The following ARHGEF9 variants were observed in gnomAD, a reference collection of about 807,000 sequenced individuals.
ARHGEF9 encodes rho guanine nucleotide exchange factor 9.
A neutral mutation model predicts 41.3 loss-of-function variants in ARHGEF9; 2 were observed. The observed-to-expected ratio is 0.05, with a 90% CI of 0.02 to 0.15. The LOEUF (loss-of-function observed/expected upper bound fraction) is 0.15. Ranked by LOEUF, ARHGEF9 falls within the 10% of genes least tolerant of loss-of-function variation. The pLI, the probability that ARHGEF9 is intolerant of heterozygous loss-of-function variation, is 1.00. For missense variants in ARHGEF9, 225 were observed against 424.7 expected (o/e 0.53, Z 4.13); for synonymous variants, 160 against 154.4 (o/e 1.04, Z -0.27).
intron 8 of ARHGEF9, among the ~76,000 whole-genome samples, chrX:63,650,330 T>C (rs2147190920): frequency 9.0e-6 from 1 of 111,580 alleles, no homozygotes; most frequent in South Asian, 3.7e-4. Flanking sequence ...ATATACACGA[T>C]GTTATATTAT....
chrX:63,737,444 CA>C (rs1244763748), intron 1 of ARHGEF9, among the ~76,000 whole-genome samples: 12 of 110,540 alleles, frequency 1.1e-4, no homozygotes, highest in Non-Finnish European at 1.5e-4. Flanking sequence ...GGTGGCCCCC[CA>C]AAAAAAATGA....
chrX:63,656,561 C>A (rs1264952281), intron 7 of ARHGEF9: 2 of 111,446 alleles, frequency 1.8e-5, no homozygotes, highest in Non-Finnish European at 1.9e-5. Flanking sequence ...CCCAAAGTTA[C>A]AACTCCAAGG....
At chrX:63,777,879 G>T (rs1233244327) in intron 1 of ARHGEF9, among the ~76,000 whole-genome samples, 1 of 112,805 alleles carries the variant, frequency 8.9e-6, no homozygotes, top group African/African-American at 3.2e-5. Context: ...GCTTTGCAGG[G>T]TACAGTCCCC....
chrX:63,751,162 G>A (rs1160355297), intron 1 of ARHGEF9, among the ~76,000 whole-genome samples: 2 of 111,342 alleles, frequency 1.8e-5, no homozygotes, highest in Admixed American at 1.9e-4. Context: ...CAGAGAGGAG[G>A]GAAGGGAATG....
chrX:63,744,096 C>A (rs2147738666), intron 1 of ARHGEF9, among the ~76,000 whole-genome samples: 1 of 112,049 alleles, frequency 8.9e-6, no homozygotes, highest in Admixed American at 9.4e-5. Context: ...CAACTGACTT[C>A]ACATTTGCAC....
chrX:63,648,588 T>C (rs1346165957), intron 8 of ARHGEF9, among the ~76,000 whole-genome samples: 1 of 111,382 alleles, frequency 9.0e-6, no homozygotes, highest in African/African-American at 3.3e-5. Context: ...AGGATCAGAT[T>C]CACACATAAC....
rs1413001108 is a variant in ARHGEF9, at chrX:63,785,122, C to T, written c.24G>A (p.Ser8=). Residue 8 remains serine, a synonymous_variant, in exon 1 of 10, where the codon TCG becomes TCA. Transcript: ENST00000671741. ...CAAGGTTACATGCACTCACCATTCC[C>T]GATCCGCCCCTTATCCACTGCATGG... MQWIRGG[S]GMLITGDSIV... The T allele has an allele frequency of 2.3e-5, 27 of 1,163,477 alleles. No individual in the cohort carries two copies. The Admixed American group carries it at 3.9e-4, about 17-fold the overall frequency.
intron 1 of ARHGEF9, among the ~76,000 whole-genome samples, chrX:63,780,852 G>T (rs1449199405): frequency 9.0e-6 from 1 of 111,730 alleles, no homozygotes; most frequent in African/African-American, 3.3e-5. Flanking sequence ...AGTTTGTAAA[G>T]GTTCAAAATC....
chrX:63,696,894 C>T (rs191101828), intron 4 of ARHGEF9, among the ~76,000 whole-genome samples: 86 of 111,501 alleles, frequency 7.7e-4, no homozygotes, highest in African/African-American at 1.0e-3. Flanking sequence ...AATATACATT[C>T]GGGAATGGAA....
At chrX:63,702,095 C>A (rs782389235) in intron 3 of ARHGEF9, among the ~76,000 whole-genome samples, 8 of 112,238 alleles carry the variant, frequency 7.1e-5, no homozygotes, top group Non-Finnish European at 1.5e-4. Context: ...CTACAGCATG[C>A]CTAAGGAAGA....
intron 1 of ARHGEF9, among the ~76,000 whole-genome samples, chrX:63,768,586 A>G (rs1352279574): frequency 8.9e-6 from 1 of 112,181 alleles, no homozygotes. Context: ...GTACTAATGT[A>G]TACAATATTG....
intron 7 of ARHGEF9, among the ~76,000 whole-genome samples, chrX:63,660,675 T>TA (rs1377730611): frequency 8.9e-6 from 1 of 111,847 alleles, no homozygotes; most frequent in African/African-American, 3.3e-5. Context: ...TGCCTCTAAA[T>TA]AAAAAAGTAC....
At chrX:63,750,683 GA>G (rs1198351949) in intron 1 of ARHGEF9, among the ~76,000 whole-genome samples, 7 of 110,878 alleles carry the variant, frequency 6.3e-5, no homozygotes, top group African/African-American at 2.0e-4. Flanking sequence ...AAGTTAGGGT[GA>G]AAAAAATTGT....
At chrX:63,746,293 G>A (rs1184548872) in intron 1 of ARHGEF9, among the ~76,000 whole-genome samples, 1 of 112,188 alleles carries the variant, frequency 8.9e-6, no homozygotes, top group Non-Finnish European at 1.9e-5. Context: ...AGAGTGATAA[G>A]GGCAAGAGAA....
chrX:63,643,116 CTTTG>C (rs1437555921), intron 9 of ARHGEF9, among the ~76,000 whole-genome samples: 4 of 111,833 alleles, frequency 3.6e-5, no homozygotes, highest in African/African-American at 9.7e-5. Flanking sequence ...AGTTCCTTCC[CTTTG>C]TTTGGCTGAG....
intron 3 of ARHGEF9, among the ~76,000 whole-genome samples, chrX:63,699,992 G>A: frequency 9.0e-6 from 1 of 111,642 alleles, no homozygotes. Flanking sequence ...TTCCTCTAAT[G>A]CTGTTTTTTA....
In ARHGEF9 at chrX:63,678,492, G is replaced by T; in HGVS notation, c.663C>A (p.Asp221Glu). Residue 221 changes from aspartate to glutamate, a missense_variant, in exon 5 of 10, where the codon GAC becomes GAA. Around this residue, in one of 3 missense-constraint regions of ARHGEF9, gnomAD observed 114 missense variants for 197.9 expected, o/e 0.58. Transcript: ENST00000671741. ...CCTCAAAGAAGTGCTGGTAGCGGCTGTCCTTCATCAGTTTGGAGAGCTCCA... is the reference window on the plus strand; with the variant it reads ...CCTCAAAGAAGTGCTGGTAGCGGCTTTCCTTCATCAGTTTGGAGAGCTCCA... ...ACMELSKLMK[D>E]SRYQHFFEAC... 1.7e-6 allele frequency: 2 copies of T among 1,205,503 alleles called. No homozygotes were observed. The highest frequency in any genetic ancestry group is 2.2e-6 in the Non-Finnish European group (2 of 892,193).
At chrX:63,777,664 A>G (rs1460593091) in intron 1 of ARHGEF9, among the ~76,000 whole-genome samples, 8 of 112,904 alleles carry the variant, frequency 7.1e-5, no homozygotes, top group Non-Finnish European at 1.5e-4. Context: ...ATGCCTAGAT[A>G]CAAAGACATT....
intron 4 of ARHGEF9, among the ~76,000 whole-genome samples, chrX:63,679,026 G>C (rs2050446915): frequency 8.9e-6 from 1 of 111,931 alleles, no homozygotes; most frequent in Non-Finnish European, 1.9e-5. Flanking sequence ...ACACAATCCA[G>C]AGCCTGATAT....
Sources: gnomAD v4.1 joint callset for allele counts (sites outside exome capture counted in the v4.1 genomes callset) on GRCh38, gnomAD v4.1.1 for gene constraint, gnomAD v4.1.1 regional missense constraint, MANE v1.5 for transcripts, NCBI Gene and HGNC (gene_info 2026-07-23, HGNC 2026-07-21) for gene names.